The following DTHD1 variants were observed in gnomAD, a reference collection of about 807,000 sequenced individuals.
DTHD1 encodes death domain-containing protein 1.
DTHD1 carries 59 observed loss-of-function variants against 74.8 expected under a neutral mutation model. The observed-to-expected ratio is 0.79, with a 90% CI of 0.64 to 0.98. The LOEUF is 0.98. DTHD1 is among the 50% of genes least tolerant of loss of function. DTHD1 has a pLI of 0.00. For synonymous variants in DTHD1, 365 were observed against 371.1 expected (o/e 0.98, Z 0.19); for missense variants, 1,051 against 1,065.4 (o/e 0.99, Z 0.19).
At position 36,284,573 on chromosome 4, in the gene DTHD1, A is replaced by G. The variant is rs1000778156; in HGVS notation, c.869A>G (p.Asn290Ser). Reference sequence around the variant, plus strand: ...GATTCAGAGAATATAAAGCACAAGAATAACATAATGGAAAAGGAGTAAGTA... The same window carrying G: ...GATTCAGAGAATATAAAGCACAAGAGTAACATAATGGAAAAGGAGTAAGTA... ...PNDSENIKHK[N>S]NIMEKEYLDV... is the part of the protein sequence containing the mutation. The change falls in exon 2 of 10, where the codon AAT becomes AGT. Residue 290 changes from asparagine to serine, a missense_variant. Coordinates refer to ENST00000639862, the MANE Select transcript of DTHD1 (RefSeq NM_001170700.3). 12 of 1,518,302 alleles carry G rather than the reference A, an allele frequency of 7.9e-6. No individual in the cohort carries two copies. In the Admixed American group the frequency reaches 1.7e-4, roughly 22 times the overall value. The allele number at this position is 1,518,302 out of a possible 1,614,324, so 94.1% of individuals were successfully genotyped here. A position where few individuals can be genotyped will look rare whatever the true frequency, so the allele number is the denominator to read the frequency against.
chr4:36,308,180 G>A (rs757598775), intron 6 of DTHD1, 24 bp from the exon 7 acceptor site: 2 of 1,544,014 alleles, frequency 1.3e-6, no homozygotes, highest in Non-Finnish European at 1.8e-6. Flanking sequence ...TTTCCCTGGG[G>A]TCTCACCTCT....
chr4:36,344,945 C>T lies in DTHD1; in HGVS notation c.*1121C>T, dbSNP rs188163500. ...CACTTTAAAAAAACCTTTCTAAGCT[C>T]GAAATAAATTAAAAATAGAATAACA... On this transcript the variant is annotated 3_prime_UTR_variant, in exon 10 of 10. Coordinates refer to ENST00000639862, the MANE Select transcript of DTHD1 (RefSeq NM_001170700.3). 2.0e-5 allele frequency: 3 copies of T among 151,906 alleles called. No individual in the cohort carries two copies. Among genetic ancestry groups the T allele is most frequent in the East Asian group, 3.9e-4 (2 of 5,176 alleles). 9.4% of individuals were successfully genotyped at this position (151,906 alleles called of 1,614,324 possible).
At chr4:36,310,115 A>C (rs1757309620) in intron 7 of DTHD1, among the ~76,000 whole-genome samples, 1 of 152,116 alleles carries the variant, frequency 6.6e-6, no homozygotes, top group Non-Finnish European at 1.5e-5. Context: ...TGGGCACGTA[A>C]GTTGATTCCA....
intron 5 of DTHD1, 63 bp from the exon 6 acceptor site, chr4:36,306,128 T>C: frequency 7.3e-7 from 1 of 1,362,478 alleles, no homozygotes; most frequent in Admixed American, 2.3e-5. Context: ...AAAGAATGAA[T>C]GCATTAAATA....
chr4:36,303,399 A>C (rs1756881823), intron 5 of DTHD1, among the ~76,000 whole-genome samples: 1 of 152,230 alleles, frequency 6.6e-6, no homozygotes, highest in African/African-American at 2.4e-5. Context: ...AAGCCAATCC[A>C]AAGTGTTTAA....
Position 36,290,572 on chromosome 4 carries a change from G to C in DTHD1, c.1087G>C (p.Gly363Arg). The part of the protein sequence containing the change: ...DKEKRVPFPI[G>R]IAIPFTARYR... Reference sequence around the variant, plus strand: ...GGAAAAGAGAGTTCCATTTCCAATAGGCATTGCAATTCCATTTACTGCACG... The same window carrying C: ...GGAAAAGAGAGTTCCATTTCCAATACGCATTGCAATTCCATTTACTGCACG... The change falls in exon 3 of 10, where the codon GGC becomes CGC. Residue 363 changes from glycine to arginine, a missense_variant. By Grantham distance (125) the Gly-to-Arg change is moderately radical. Coordinates refer to ENST00000639862, the MANE Select transcript of DTHD1 (RefSeq NM_001170700.3). The C allele has an allele frequency of 6.4e-7, 1 of 1,551,516 alleles. No individual in the cohort carries two copies. Among genetic ancestry groups the C allele is most frequent in the African/African-American group, 1.4e-5 (1 of 73,166 alleles).
intron 2 of DTHD1, 110 bp downstream of exon 2, chr4:36,284,701 G>A: frequency 2.3e-6 from 2 of 874,152 alleles, no homozygotes; most frequent in Non-Finnish European, 3.3e-6. Context: ...ACATCATAAA[G>A]TGAGTAGCTT....
rs557367395 is a variant in DTHD1, at chr4:36,298,373, G to T, written c.1643+3334G>T. On this transcript the variant is annotated intron_variant, in intron 5 of 9. Transcript: ENST00000639862. Reference sequence around the variant, plus strand: ...GAGCAAACTCGTGGAAATGTAAATTGTATTGCAAATTCATCTGCACTTTTT... The same window carrying T: ...GAGCAAACTCGTGGAAATGTAAATTTTATTGCAAATTCATCTGCACTTTTT... Among the ~76,000 whole-genome samples, 711 of 152,228 alleles carry T rather than the reference G, an allele frequency of 4.7e-3. 3 individuals are homozygous for T. Among genetic ancestry groups the T allele is most frequent in the African/African-American group, 0.017 (687 of 41,536 alleles).
intron 2 of DTHD1, among the ~76,000 whole-genome samples, chr4:36,285,661 G>T (rs1265414970): frequency 8.2e-6 from 1 of 122,270 alleles, no homozygotes; most frequent in East Asian, 2.3e-4. Context: ...AAAAATATGT[G>T]TTTTGGGCAT....
At chr4:36,342,188 T>C (rs544920128) in intron 9 of DTHD1, among the ~76,000 whole-genome samples, 125 of 152,270 alleles carry the variant, frequency 8.2e-4, no homozygotes, top group African/African-American at 2.8e-3. Flanking sequence ...CCAGATAACA[T>C]GGACTTCAAA....
intron 8 of DTHD1, among the ~76,000 whole-genome samples, chr4:36,318,612 C>CTTTTTTTTTT (rs397992934): frequency 8.9e-5 from 10 of 111,802 alleles, no homozygotes; most frequent in South Asian, 2.8e-4. Context: ...TTTTTCTTTT[C>CTTTTTTTTTT]TTTTTTTTTT....
At chr4:36,340,303 CAAATT>C (rs1244231360) in intron 9 of DTHD1, among the ~76,000 whole-genome samples, 2 of 152,152 alleles carry the variant, frequency 1.3e-5, no homozygotes, top group Non-Finnish European at 2.9e-5. Context: ...CTGGCAAAAT[CAAATT>C]AGACTTTCAG....
intron 2 of DTHD1, among the ~76,000 whole-genome samples, chr4:36,288,581 T>C (rs927391067): frequency 6.6e-6 from 1 of 152,240 alleles, no homozygotes; most frequent in Non-Finnish European, 1.5e-5. Flanking sequence ...CCTCAGTTTA[T>C]ATTTTTGTAA....
At chr4:36,318,612 C>CTTTTTTTTTTTTTTTTTTT (rs397992934) in intron 8 of DTHD1, among the ~76,000 whole-genome samples, 2 of 111,804 alleles carry the variant, frequency 1.8e-5, no homozygotes, top group African/African-American at 3.5e-5. Context: ...TTTTTCTTTT[C>CTTTTTTTTTTTTTTTTTTT]TTTTTTTTTT....
intron 9 of DTHD1, among the ~76,000 whole-genome samples, chr4:36,342,641 G>A (rs370935627): frequency 8.6e-5 from 13 of 152,018 alleles, no homozygotes; most frequent in Admixed American, 3.9e-4. Flanking sequence ...AGATCATGTC[G>A]TGTGTATGTC....
intron 8 of DTHD1, among the ~76,000 whole-genome samples, chr4:36,324,772 AT>A (rs1275719460): frequency 1.1e-4 from 17 of 152,266 alleles, no homozygotes; most frequent in African/African-American, 4.1e-4. Context: ...GAGATAAATA[AT>A]AATTGAATAC....
intron 8 of DTHD1, 121 bp downstream of exon 8, chr4:36,316,607 T>C: frequency 9.5e-7 from 1 of 1,052,188 alleles, no homozygotes; most frequent in Non-Finnish European, 1.3e-6. Context: ...ATAGAGGTAA[T>C]AAAGAAGGAG....
At chr4:36,338,086 T>G (rs1262387082) in intron 8 of DTHD1, among the ~76,000 whole-genome samples, 2 of 152,232 alleles carry the variant, frequency 1.3e-5, no homozygotes, top group Non-Finnish European at 2.9e-5. Flanking sequence ...GATATAGAAC[T>G]ATTCTATTAC....
chr4:36,308,104 C>T (rs992513049), intron 6 of DTHD1, 100 bp from the exon 7 acceptor site: 24 of 1,118,446 alleles, frequency 2.1e-5, no homozygotes, highest in African/African-American at 6.3e-5. Flanking sequence ...TTTTAAAAGA[C>T]GTCTGTTTGA....
Sources: allele counts gnomAD v4.1 joint callset (sites outside exome capture counted in the v4.1 genomes callset), GRCh38; gene constraint gnomAD v4.1.1; transcripts MANE v1.5; gene names NCBI Gene and HGNC (gene_info 2026-07-23, HGNC 2026-07-21).